Variants in APBB1IP observed in about 807,000 individuals in gnomAD.
APBB1IP encodes the protein amyloid beta precursor protein binding family B member 1 interacting protein, also known as amyloid beta A4 precursor protein-binding family B member 1-interacting protein.
APBB1IP carries 27 observed loss-of-function variants against 64.9 expected under a neutral mutation model. The observed-to-expected ratio is 0.42, with a 90% CI of 0.31 to 0.57. The LOEUF (loss-of-function observed/expected upper bound fraction) is 0.57, where lower values mean the gene tolerates loss of function less well. APBB1IP is among the 20% of genes least tolerant of loss of function. APBB1IP has a pLI of 0.20. For synonymous variants in APBB1IP, 392 were observed against 331.0 expected, an observed-to-expected ratio of 1.18 and a Z score of -2.00; for missense variants, 812 against 845.5, an observed-to-expected ratio of 0.96 and a Z score of 0.49.
intron 2 of APBB1IP, among the ~76,000 whole-genome samples, chr10:26,469,004 T>C (rs1835681892): frequency 6.6e-6 from 1 of 152,130 alleles, no homozygotes; most frequent in Non-Finnish European, 1.5e-5. Flanking sequence ...GGCTGAGATG[T>C]TACTCTAGGC....
chr10:26,456,666 G>C lies in APBB1IP; in HGVS notation c.-1+17813G>C, dbSNP rs551812588. On this transcript the variant is annotated intron_variant, in intron 2 of 14. Transcript: ENST00000376236. The stretch of plus-strand genomic sequence containing the variant: ...AGGTGGGAGGATGGCTTTTGTCCAG[G>C]AGGTTGAGACTGCGATGAGCCGTGA... 3.5e-5 allele frequency among the ~76,000 whole-genome samples: 5 copies of C among 144,444 alleles called. No individual in the cohort carries two copies. In the South Asian group the frequency reaches 1.1e-3, roughly 33 times the overall value. 94.8% of individuals were successfully genotyped at this position (144,444 alleles called of 152,430 possible).
At chr10:26,505,583 G>A (rs549083012) in intron 6 of APBB1IP, among the ~76,000 whole-genome samples, 10 of 151,750 alleles carry the variant, frequency 6.6e-5, no homozygotes, top group East Asian at 5.8e-4. Context: ...GGCATCAAGC[G>A]ATCCTCCCAC....
chr10:26,537,210 C>T (rs867580767), intron 10 of APBB1IP, among the ~76,000 whole-genome samples: 2 of 152,106 alleles, frequency 1.3e-5, no homozygotes, highest in Non-Finnish European at 2.9e-5. Flanking sequence ...ATCTTGGGTA[C>T]GCGGAAGCAT....
Position 26,524,974 on chromosome 10 carries a change from T to TTTTTTTA in APBB1IP, c.814-8465_814-8464insTTTTTTA, listed in dbSNP as rs1554778195. On this transcript the variant is annotated intron_variant, in intron 8 of 14. Transcript: ENST00000376236. ...TTCTTTCTTTTTTTTTTTTTTTTTT[T>TTTTTTTA]ATAAAAAAAGGAATCCTGGCAAGAG... 1.9e-4 allele frequency among the ~76,000 whole-genome samples: 24 copies of TTTTTTTA among 126,748 alleles called. 1 individual carries two copies. Among genetic ancestry groups the TTTTTTTA allele is most frequent in the East Asian group, 5.9e-4 (2 of 3,416 alleles). 83.2% of individuals were successfully genotyped at this position (126,748 alleles called of 152,430 possible).
intron 11 of APBB1IP, among the ~76,000 whole-genome samples, chr10:26,545,818 C>T (rs1232089984): frequency 1.6e-4 from 24 of 148,410 alleles, no homozygotes; most frequent in African/African-American, 6.0e-4. Flanking sequence ...GGCGTGGTGG[C>T]ACGCGCCTGT....
At chr10:26,458,854 T>C (rs1171344837) in intron 2 of APBB1IP, among the ~76,000 whole-genome samples, 1 of 152,230 alleles carries the variant, frequency 6.6e-6, no homozygotes, top group African/African-American at 2.4e-5. Flanking sequence ...TCATTACTTT[T>C]TTCTCCAAAA....
At chr10:26,534,736 C>A (rs2132464301) in intron 9 of APBB1IP, among the ~76,000 whole-genome samples, 1 of 152,328 alleles carries the variant, frequency 6.6e-6, no homozygotes, top group African/African-American at 2.4e-5. Flanking sequence ...GGAGCATGAG[C>A]ACAGTGAGCA....
At chr10:26,453,052 G>A (rs1051387031) in intron 2 of APBB1IP, among the ~76,000 whole-genome samples, 6 of 152,112 alleles carry the variant, frequency 3.9e-5, no homozygotes, top group Non-Finnish European at 2.9e-5. Context: ...GTGGTGCTGT[G>A]CCAGTACTAA....
chr10:26,505,383 T>A (rs533450868), intron 6 of APBB1IP, among the ~76,000 whole-genome samples: 1 of 152,288 alleles, frequency 6.6e-6, no homozygotes, highest in African/African-American at 2.4e-5. Flanking sequence ...AATTCCACAG[T>A]CCATCATTGG....
chr10:26,467,355 T>TA (rs539016571), intron 2 of APBB1IP, among the ~76,000 whole-genome samples: 2,203 of 147,012 alleles, frequency 0.015, 52 homozygotes, highest in African/African-American at 0.052. Flanking sequence ...GCCTTTAAAT[T>TA]AAAAAAAAAA....
rs1837069188 is a variant in APBB1IP at position 26,567,380 on chromosome 10, C to G, written c.1893C>G (p.Pro631=). ...PAVAKRPPVP[P]KRQENPGHPG... is the part of the protein sequence containing the mutation. The stretch of plus-strand genomic sequence containing the variant: ...TGGCCAAGAGGCCTCCTGTGCCCCC[C>G]AAGAGGCAAGAGAACCCAGGGCACC... The change falls in exon 15 of 15, where the codon CCC becomes CCG. Residue 631 remains proline, a synonymous_variant. Coordinates refer to ENST00000376236, the MANE Select transcript of APBB1IP (RefSeq NM_019043.4). The G allele has an allele frequency of 6.3e-7, 1 of 1,579,882 alleles. No individual in the cohort carries two copies. The highest frequency in any genetic ancestry group is 2.3e-5 in the East Asian group (1 of 43,076).
intron 11 of APBB1IP, among the ~76,000 whole-genome samples, chr10:26,554,090 G>A (rs568884094): frequency 7.2e-5 from 11 of 152,202 alleles, no homozygotes; most frequent in South Asian, 6.2e-4. Flanking sequence ...AGCTCCACAC[G>A]TGCAGTAACC....
At chr10:26,553,555 G>T (rs1440131443) in intron 11 of APBB1IP, among the ~76,000 whole-genome samples, 1 of 152,116 alleles carries the variant, frequency 6.6e-6, no homozygotes, top group African/African-American at 2.4e-5. Context: ...TCAGGTGGCC[G>T]ATCGGGGTGG....
At position 26,446,355 on chromosome 10, in the gene APBB1IP, G is replaced by T. The variant is rs73594360; in HGVS notation, c.-1+7502G>T. On this transcript the variant is annotated intron_variant, in intron 2 of 14. Transcript: ENST00000376236. ...TAAATTTCATAAACGGTATGGCTTAGCAAACCAAGACTATTTCTTCATGTG... is the reference window on the plus strand; with the variant it reads ...TAAATTTCATAAACGGTATGGCTTATCAAACCAAGACTATTTCTTCATGTG... Among the ~76,000 whole-genome samples the T allele has an allele frequency of 9.3e-3, 1,415 of 152,284 alleles. 20 individuals are homozygous for T. The highest frequency in any genetic ancestry group is 0.032 in the African/African-American group (1,331 of 41,536).
Position 26,533,468 on chromosome 10 carries a change from A to G in APBB1IP, c.843A>G (p.Lys281=). ...QNFYLDNRGK[K]ESKETNEKMN... Reference sequence around the variant, plus strand: ...TCTACTTGGATAACAGAGGAAAAAAAGAAAGCAAGGAAACTAATGAGAAAA... The same window carrying G: ...TCTACTTGGATAACAGAGGAAAAAAGGAAAGCAAGGAAACTAATGAGAAAA... Residue 281 remains lysine, a synonymous_variant, in exon 9 of 15, where the codon AAA becomes AAG. Transcript: ENST00000376236. 1.2e-5 allele frequency: 20 copies of G among 1,604,466 alleles called. No individual in the cohort carries two copies. Among genetic ancestry groups the G allele is most frequent in the Middle Eastern group, 1.7e-4 (1 of 5,934 alleles).
rs553631246 is a variant in APBB1IP, at chr10:26,515,133, G to A, written c.813+1473G>A. On this transcript the variant is annotated intron_variant, in intron 8 of 14. Coordinates refer to ENST00000376236, the MANE Select transcript of APBB1IP (RefSeq NM_019043.4). The stretch of plus-strand genomic sequence containing the variant: ...CCTGACCTCGTGATCCGCCCGCCTT[G>A]GCCTCCCAAAGTGCTGGGATTCCAG... 2.0e-5 allele frequency among the ~76,000 whole-genome samples: 3 copies of A among 149,970 alleles called. No homozygotes were observed. The South Asian group carries it at 6.3e-4, about 32-fold the overall frequency.
chr10:26,454,537 G>A (rs1835500649), intron 2 of APBB1IP, among the ~76,000 whole-genome samples: 1 of 136,340 alleles, frequency 7.3e-6, no homozygotes, highest in Non-Finnish European at 1.5e-5. Context: ...AACTCATGGA[G>A]GTAGAGAGTA....
intron 10 of APBB1IP, among the ~76,000 whole-genome samples, chr10:26,539,154 T>C (rs12252377): frequency 0.089 from 13,507 of 152,246 alleles, 1,318 homozygotes; most frequent in African/African-American, 0.24. Context: ...CTCATGCCTC[T>C]AATTCCAGAA....
chr10:26,557,855 C>A (rs1241629303), intron 11 of APBB1IP, among the ~76,000 whole-genome samples: 2 of 152,172 alleles, frequency 1.3e-5, no homozygotes, highest in African/African-American at 4.8e-5. Context: ...ACACGAGACC[C>A]TTTGCTTAGA....
Sources: allele counts gnomAD v4.1 joint callset (sites outside exome capture counted in the v4.1 genomes callset), GRCh38; gene constraint gnomAD v4.1.1; transcripts MANE v1.5; gene names NCBI Gene and HGNC (gene_info 2026-07-23, HGNC 2026-07-21).